PARD6G: variants seen among roughly 807,000 people sequenced by gnomAD.
PARD6G encodes the protein par-6 family cell polarity regulator gamma.
PARD6G carries 7 observed loss-of-function variants against 10.7 expected under a neutral mutation model. That is an observed-to-expected ratio of 0.66 (90% CI 0.37 to 1.23). PARD6G has a LOEUF of 1.23. PARD6G is among the 50% of genes most tolerant of loss of function. The pLI is 0.02. For missense variants in PARD6G, 548 were observed against 571.8 expected, an observed-to-expected ratio of 0.96 and a Z score of 0.42; for synonymous variants, 287 against 269.4, an observed-to-expected ratio of 1.07 and a Z score of -0.64.
At chr18:80,212,872 G>A (rs113669919) in intron 1 of PARD6G, among the ~76,000 whole-genome samples, 5,766 of 148,690 alleles carry the variant, frequency 0.039, 399 homozygotes, top group African/African-American at 0.13. Context: ...GCAACAGAGC[G>A]AGACCCCATC....
intron 1 of PARD6G, among the ~76,000 whole-genome samples, chr18:80,226,151 GTTTTT>G (rs10606939): frequency 0.2 from 15,477 of 76,660 alleles, 4,267 homozygotes; most frequent in East Asian, 0.42. Flanking sequence ...AATGACTTCA[GTTTTT>G]TTTTTTTTTT....
rs540281309 is a variant in PARD6G at position 80,195,781 on chromosome 18, A to G, written c.295+6929T>C. Among the ~76,000 whole-genome samples the G allele has an allele frequency of 6.6e-4, 100 of 151,138 alleles. 3 individuals carry two copies. In the South Asian group the frequency reaches 0.02, roughly 31 times the overall value. On this transcript the variant is annotated intron_variant, in intron 2 of 2. Transcript: ENST00000353265. Reference sequence around the variant, plus strand: ...TCCCAGCTACTCAGGAGGCTGAGGCAGGAGAATCGCTTGAACCTGGGAGGT... The same window carrying G: ...TCCCAGCTACTCAGGAGGCTGAGGCGGGAGAATCGCTTGAACCTGGGAGGT...
chr18:80,186,762 C>G (rs1448408934), intron 2 of PARD6G, among the ~76,000 whole-genome samples: 2 of 152,206 alleles, frequency 1.3e-5, no homozygotes, highest in Admixed American at 1.3e-4. Context: ...CCTCGGCCCC[C>G]AAATCTCCCT....
In PARD6G at chr18:80,188,651, A is replaced by T. The variant is rs1458993722; in HGVS notation, c.295+14059T>A. On this transcript the variant is annotated intron_variant, in intron 2 of 2. Coordinates refer to ENST00000353265, the MANE Select transcript of PARD6G (RefSeq NM_032510.4). The surrounding 1 kb of genome is among the most constrained non-coding windows in gnomAD (Gnocchi z 5.4). ...CTCTTGAGTTTTTATGATGAAGGAA[A>T]AAGAAAGGAAACATGGGCCCCTAAT... 6.6e-5 allele frequency among the ~76,000 whole-genome samples: 10 copies of T among 152,172 alleles called. No individual in the cohort carries two copies. The highest frequency in any genetic ancestry group is 1.9e-4 in the African/African-American group (8 of 41,438).
intron 1 of PARD6G, among the ~76,000 whole-genome samples, chr18:80,240,397 C>T (rs989146117): frequency 6.6e-6 from 1 of 152,172 alleles, no homozygotes; most frequent in Non-Finnish European, 1.5e-5. Flanking sequence ...GAACCAGTAG[C>T]TGTCAGGAAA....
intron 2 of PARD6G, among the ~76,000 whole-genome samples, chr18:80,186,616 G>A (rs1467406060): frequency 1.3e-5 from 2 of 151,854 alleles, no homozygotes; most frequent in Non-Finnish European, 2.9e-5. Context: ...CTGTGCACAC[G>A]TGCACTCATA....
At chr18:80,220,794 A>G (rs1388708653) in intron 1 of PARD6G, among the ~76,000 whole-genome samples, 2 of 152,064 alleles carry the variant, frequency 1.3e-5, no homozygotes, top group Non-Finnish European at 2.9e-5. Flanking sequence ...TATTTTTAGT[A>G]GAGATGGAGT....
chr18:80,178,219 C>T (rs894185896), intron 2 of PARD6G: 1 of 163,032 alleles, frequency 6.1e-6, no homozygotes, highest in African/African-American at 2.4e-5. Flanking sequence ...TCTCAACCAC[C>T]CGCTCCCAGT....
intron 1 of PARD6G, among the ~76,000 whole-genome samples, chr18:80,214,273 C>T (rs538159107): frequency 9.9e-5 from 15 of 152,158 alleles, no homozygotes; most frequent in East Asian, 3.9e-4. Context: ...GCCTGGCCAA[C>T]GTGGTGAAAC....
chr18:80,192,809 CT>C lies in PARD6G; in HGVS notation c.295+9900del, dbSNP rs1966911196. ...AGTCCCCACGCTGTGGGCAGGGACC[CT>C]CCTGGCTCGCCGGCCGTGGGAGCTG... On this transcript the variant is annotated intron_variant, in intron 2 of 2. Transcript: ENST00000353265. This position sits in a 1 kb window ranked among gnomAD's most constrained non-coding sequence, Gnocchi z 4.9. Among the ~76,000 whole-genome samples, 1 of 152,162 alleles carries C rather than the reference CT, an allele frequency of 6.6e-6. No individual in the cohort carries two copies. Among genetic ancestry groups the C allele is most frequent in the African/African-American group, 2.4e-5 (1 of 41,436 alleles).
At chr18:80,223,946 G>T (rs113984877) in intron 1 of PARD6G, among the ~76,000 whole-genome samples, 4 of 152,310 alleles carry the variant, frequency 2.6e-5, no homozygotes, top group African/African-American at 9.6e-5. Context: ...CAACCCAGCT[G>T]GCAGGGCTGG....
In PARD6G at chr18:80,183,266, C is replaced by A. The variant is rs1293885507; in HGVS notation, c.295+19444G>T. 5 of 684,176 alleles carry A rather than the reference C, an allele frequency of 7.3e-6. No homozygotes were observed. Among genetic ancestry groups the A allele is most frequent in the Admixed American group, 4.2e-5 (2 of 47,772 alleles). The allele number at this position is 684,176 out of a possible 1,614,324, so 42.4% of individuals were successfully genotyped here. On this transcript the variant is annotated intron_variant, in intron 2 of 2. Coordinates refer to ENST00000353265, the MANE Select transcript of PARD6G (RefSeq NM_032510.4). This position sits in a 1 kb window ranked among gnomAD's most constrained non-coding sequence, Gnocchi z 4.5. ...AGATAGGCATGGAGAAGAGCAAAGC[C>A]GCATACAGGCATAGTGGAAAAGTAC... is the stretch of plus-strand genomic sequence containing the variant.
chr18:80,171,601 C>G (rs1447847394), intron 2 of PARD6G: 2 of 152,242 alleles, frequency 1.3e-5, no homozygotes, highest in African/African-American at 4.8e-5. Context: ...AGCACATTTC[C>G]ATCACCCTAA....
chr18:80,202,191 C>G (rs768879671), intron 2 of PARD6G, among the ~76,000 whole-genome samples: 1 of 152,186 alleles, frequency 6.6e-6, no homozygotes, highest in Non-Finnish European at 1.5e-5. Flanking sequence ...GAGACGTGAG[C>G]AGTATGAGGT....
At chr18:80,210,935 C>A (rs915161421) in intron 1 of PARD6G, among the ~76,000 whole-genome samples, 1 of 147,320 alleles carries the variant, frequency 6.8e-6, no homozygotes, top group African/African-American at 2.5e-5. Flanking sequence ...TCCTTTGAGT[C>A]AATACATTGA....
Position 80,201,074 on chromosome 18 carries a change from G to T in PARD6G, c.295+1636C>A, listed in dbSNP as rs909515949. On this transcript the variant is annotated intron_variant, in intron 2 of 2. Coordinates refer to ENST00000353265, the MANE Select transcript of PARD6G (RefSeq NM_032510.4). The surrounding 1 kb of genome is among the most constrained non-coding windows in gnomAD (Gnocchi z 5.9). Reference sequence around the variant, plus strand: ...ACCTGGGATGGCAGGGGCACAGCCAGGAACACACCCCCACCCTACGCTCCT... The same window carrying T: ...ACCTGGGATGGCAGGGGCACAGCCATGAACACACCCCCACCCTACGCTCCT... 1.2e-4 allele frequency among the ~76,000 whole-genome samples: 18 copies of T among 152,140 alleles called. No homozygotes were observed. The highest frequency in any genetic ancestry group is 3.2e-3 in the Middle Eastern group (1 of 316).
chr18:80,216,240 T>C (rs1433407046), intron 1 of PARD6G, among the ~76,000 whole-genome samples: 4 of 152,004 alleles, frequency 2.6e-5, no homozygotes, highest in Non-Finnish European at 5.9e-5. Flanking sequence ...CAACAAAAAA[T>C]AGAAGACTTA....
intron 2 of PARD6G, among the ~76,000 whole-genome samples, chr18:80,179,296 T>G (rs2052835234): frequency 6.6e-6 from 1 of 150,762 alleles, no homozygotes; most frequent in Non-Finnish European, 1.5e-5. Context: ...GTCACTCAGG[T>G]GAGCCTCGGT....
intron 2 of PARD6G, among the ~76,000 whole-genome samples, chr18:80,168,592 T>TGTGC (rs1218040395): frequency 1.3e-5 from 2 of 151,484 alleles, no homozygotes; most frequent in Admixed American, 1.3e-4. Context: ...TGTGTGTGTG[T>TGTGC]GTGTGTGTGT....
Sources: gnomAD v4.1 joint callset for allele counts (sites outside exome capture counted in the v4.1 genomes callset) on GRCh38, gnomAD v4.1.1 for gene constraint, Gnocchi (gnomAD v3.1) non-coding constraint, MANE v1.5 for transcripts, NCBI Gene and HGNC (gene_info 2026-07-23, HGNC 2026-07-21) for gene names.